Variants in HMGCLL1 observed in about 807,000 individuals in gnomAD.
HMGCLL1 encodes the protein 3-hydroxymethyl-3-methylglutaryl-CoA lyase, cytoplasmic.
In HMGCLL1, 36 loss-of-function variants were observed where a neutral mutation model predicts 39.1. The ratio of observed to expected loss-of-function variants is 0.92; its 90% CI spans 0.71 to 1.22. HMGCLL1 has a LOEUF of 1.22. Among genes scored for constraint, HMGCLL1 ranks in the 50% most tolerant of loss-of-function variants. HMGCLL1 has a pLI of 0.00. For synonymous variants in HMGCLL1, 149 were observed against 144.0 expected, an observed-to-expected ratio of 1.03 and a Z score of -0.25; for missense variants, 451 against 416.5, an observed-to-expected ratio of 1.08 and a Z score of -0.72.
chr6:55,444,263 T>C (rs1280209923), intron 7 of HMGCLL1, among the ~76,000 whole-genome samples: 1 of 152,048 alleles, frequency 6.6e-6, no homozygotes, highest in Non-Finnish European at 1.5e-5. Context: ...ATATTCTTTG[T>C]CCCAACAGTT....
At chr6:55,484,207 C>T (rs1312745500) in intron 7 of HMGCLL1, among the ~76,000 whole-genome samples, 1 of 152,130 alleles carries the variant, frequency 6.6e-6, no homozygotes, top group Non-Finnish European at 1.5e-5. Flanking sequence ...TGGTCCTCAT[C>T]ATACGTGACC....
intron 5 of HMGCLL1, among the ~76,000 whole-genome samples, chr6:55,510,490 A>AGGGAC (rs1351319304): frequency 2.0e-5 from 3 of 151,606 alleles, no homozygotes; most frequent in Non-Finnish European, 4.4e-5. Flanking sequence ...TGTCCTTTGT[A>AGGGAC]GGGACATGGA....
At chr6:55,542,007 T>C (rs1282366202) in intron 2 of HMGCLL1, 53 bp downstream of exon 2, 1 of 1,197,778 alleles carries the variant, frequency 8.3e-7, no homozygotes, top group Non-Finnish European at 1.2e-6. Context: ...ATCTTTACAA[T>C]CTTAAATTTA....
the HMGCLL1 span, among the ~76,000 whole-genome samples, chr6:55,609,088 C>T: frequency 1.7e-4 from 26 of 152,310 alleles, no homozygotes; most frequent in African/African-American, 5.3e-4. Flanking sequence ...GGTGAGCCCA[C>T]GCCACCGGGG....
intron 1 of HMGCLL1, among the ~76,000 whole-genome samples, chr6:55,553,157 CTCTA>C (rs1466589497): frequency 0.023 from 2,662 of 116,852 alleles, 46 homozygotes; most frequent in South Asian, 0.098. Context: ...CTCTCTCTCT[CTCTA>C]TATATATATA....
the HMGCLL1 span, among the ~76,000 whole-genome samples, chr6:55,640,856 ACC>A: frequency 5.3e-5 from 8 of 151,986 alleles, no homozygotes; most frequent in African/African-American, 1.9e-4. Flanking sequence ...AATTCTCCAA[ACC>A]CACGATTGAC....
chr6:55,545,212 CAAAA>C (rs766554353), intron 1 of HMGCLL1, among the ~76,000 whole-genome samples: 2 of 20,590 alleles, frequency 9.7e-5, no homozygotes, highest in Admixed American at 4.4e-4. Flanking sequence ...CAATGTTTGC[CAAAA>C]AAAAAAAAAA....
the HMGCLL1 span, among the ~76,000 whole-genome samples, chr6:55,674,783 G>A: frequency 6.6e-6 from 1 of 151,990 alleles, no homozygotes; most frequent in Non-Finnish European, 1.5e-5. Flanking sequence ...AAACGTTAAA[G>A]ACAGACTTAT....
chr6:55,580,394 T>A (rs943032225), upstream of HMGCLL1, among the ~76,000 whole-genome samples: 2 of 147,042 alleles, frequency 1.4e-5, no homozygotes, highest in Non-Finnish European at 3.0e-5. Flanking sequence ...ATTTTTTTTT[T>A]CTTTTTTCTT....
At chr6:55,477,245 A>C (rs1422366142) in intron 7 of HMGCLL1, among the ~76,000 whole-genome samples, 2 of 21,418 alleles carry the variant, frequency 9.3e-5, no homozygotes, top group African/African-American at 6.6e-4. Flanking sequence ...TTATATTTAT[A>C]TAATATATAA....
intron 7 of HMGCLL1, among the ~76,000 whole-genome samples, chr6:55,475,118 C>T (rs974551368): frequency 3.3e-5 from 5 of 151,550 alleles, no homozygotes; most frequent in Non-Finnish European, 1.5e-5. Context: ...TGTGGTACTA[C>T]AGGAAGTCTA....
intron 7 of HMGCLL1, among the ~76,000 whole-genome samples, chr6:55,465,484 C>T (rs1477327995): frequency 2.0e-5 from 3 of 151,848 alleles, no homozygotes; most frequent in African/African-American, 7.3e-5. Flanking sequence ...AGTACATTGG[C>T]TTAAATCTCC....
At chr6:55,569,177 G>A (rs981308540) in intron 1 of HMGCLL1, among the ~76,000 whole-genome samples, 1 of 152,070 alleles carries the variant, frequency 6.6e-6, no homozygotes, top group African/African-American at 2.4e-5. Context: ...TCTATTCCAG[G>A]CAGAACTCTA....
chr6:55,450,167 C>T (rs1230419265), intron 7 of HMGCLL1, among the ~76,000 whole-genome samples: 2 of 152,062 alleles, frequency 1.3e-5, no homozygotes, highest in East Asian at 1.9e-4. Flanking sequence ...GGGTAGAAAA[C>T]GTTTCTCCAA....
chr6:55,608,379 G>A, the HMGCLL1 span, among the ~76,000 whole-genome samples: 1 of 152,098 alleles, frequency 6.6e-6, no homozygotes, highest in African/African-American at 2.4e-5. Flanking sequence ...ATTTGTGGAT[G>A]TTTAGTTTCG....
At chr6:55,447,059 C>A (rs1240766684) in intron 7 of HMGCLL1, among the ~76,000 whole-genome samples, 1 of 151,694 alleles carries the variant, frequency 6.6e-6, no homozygotes, top group African/African-American at 2.4e-5. Context: ...TATTTTTATT[C>A]TCAACTTGTT....
At chr6:55,493,050 T>C (rs1461113075) in intron 7 of HMGCLL1, among the ~76,000 whole-genome samples, 1 of 149,864 alleles carries the variant, frequency 6.7e-6, no homozygotes, top group African/African-American at 2.4e-5. Flanking sequence ...TATTTATATA[T>C]TATATATTAA....
At chr6:55,560,294 T>C (rs536863898) in intron 1 of HMGCLL1, among the ~76,000 whole-genome samples, 4 of 152,284 alleles carry the variant, frequency 2.6e-5, no homozygotes, top group African/African-American at 9.6e-5. Context: ...AAAGGTGTAA[T>C]AGCAGGATGT....
At chr6:55,617,639 C>T in the HMGCLL1 span, among the ~76,000 whole-genome samples, 51 of 152,012 alleles carry the variant, frequency 3.4e-4, no homozygotes, top group African/African-American at 1.2e-3. Context: ...CGTTGGTTGG[C>T]GAGAATGTAG....
Sources: gnomAD v4.1 joint callset for allele counts (sites outside exome capture counted in the v4.1 genomes callset) on GRCh38, gnomAD v4.1.1 for gene constraint, MANE v1.5 for transcripts, NCBI Gene and HGNC (gene_info 2026-07-23, HGNC 2026-07-21) for gene names.